AKAP9: variants seen among roughly 807,000 people sequenced by gnomAD.
AKAP9 encodes the protein A-kinase anchor protein 9.
AKAP9 carries 311 observed loss-of-function variants against 488.5 expected under a neutral mutation model. That is an observed-to-expected ratio of 0.64 (90% CI 0.58 to 0.70). AKAP9 has a LOEUF of 0.70. Among genes scored for constraint, AKAP9 ranks in the 30% least tolerant of loss-of-function variants. The pLI is 0.00. For synonymous variants in AKAP9, 1,462 were observed against 1,483.5 expected (o/e 0.99, Z 0.33); for missense variants, 4,215 against 4,374.5 (o/e 0.96, Z 1.03).
At chr7:91,961,211 G>A (rs934014950) in intron 1 of AKAP9, among the ~76,000 whole-genome samples, 20 of 151,824 alleles carry the variant, frequency 1.3e-4, no homozygotes, top group Admixed American at 2.6e-4. Flanking sequence ...CCAGGCTGGA[G>A]TGCAGTGGTG....
chr7:91,965,788 T>C (rs1234079615), intron 1 of AKAP9, among the ~76,000 whole-genome samples: 4 of 152,210 alleles, frequency 2.6e-5, no homozygotes, highest in South Asian at 2.1e-4. Context: ...ATTAGTAACA[T>C]TGAGCATTGT....
intron 2 of AKAP9, 116 bp downstream of exon 2, chr7:91,974,084 TTAG>T: frequency 7.9e-7 from 1 of 1,263,528 alleles, no homozygotes. Context: ...CTTGAAAGTT[TTAG>T]TAGTATGGTA....
intron 7 of AKAP9, among the ~76,000 whole-genome samples, chr7:91,997,891 C>T (rs1322817667): frequency 6.6e-6 from 1 of 151,982 alleles, no homozygotes; most frequent in African/African-American, 2.4e-5. Flanking sequence ...ATGAATCCCC[C>T]CAAGTAATAA....
At chr7:92,006,370 C>CA (rs578028879) in intron 8 of AKAP9, among the ~76,000 whole-genome samples, 201 of 152,110 alleles carry the variant, frequency 1.3e-3, no homozygotes, top group African/African-American at 4.5e-3. Context: ...AGGCTGGTCT[C>CA]AAACTTCTGG....
rs868546210 is a variant in AKAP9 at position 92,083,440 on chromosome 7, G to A, written c.8431G>A (p.Glu2811Lys). Residue 2811 changes from glutamate to lysine, a missense_variant, in exon 33 of 50, where the codon GAA (glutamate) becomes AAA (lysine). Around this residue, in one of 5 missense-constraint regions of AKAP9, gnomAD observed 1,476 missense variants for 1,477.4 expected, o/e 1.00. Transcript: ENST00000356239. The stretch of plus-strand genomic sequence containing the variant: ...AGGAATACAAATTAATTTACAGAGT[G>A]AATGTTCCTCAGAAGAAGTTACTGA... ...NAGIQINLQS[E>K]CSSEEVTEII... 4 of 1,613,998 alleles carry A rather than the reference G, an allele frequency of 2.5e-6. No homozygotes were observed. The highest frequency in any genetic ancestry group is 2.7e-5 in the African/African-American group (2 of 75,038).
chr7:92,071,414 C>G (rs1439986198), intron 28 of AKAP9, among the ~76,000 whole-genome samples: 6 of 149,922 alleles, frequency 4.0e-5, no homozygotes, highest in Non-Finnish European at 7.4e-5. Flanking sequence ...TTGTATTGCC[C>G]TGGGAGATTA....
At chr7:92,028,295 T>TAA (rs57352733) in intron 14 of AKAP9, among the ~76,000 whole-genome samples, 8 of 65,056 alleles carry the variant, frequency 1.2e-4, no homozygotes, top group South Asian at 8.3e-4. Flanking sequence ...CAATAAATAC[T>TAA]AAAAAAAAAA....
intron 24 of AKAP9, among the ~76,000 whole-genome samples, chr7:92,064,683 G>A (rs1810482679): frequency 6.6e-6 from 1 of 152,186 alleles, no homozygotes; most frequent in East Asian, 1.9e-4. Context: ...AAGCAACTCA[G>A]GAATATGGAT....
chr7:92,079,019 A>G (rs1813072473), intron 30 of AKAP9, 60 bp from the exon 31 acceptor site: 2 of 1,251,998 alleles, frequency 1.6e-6, no homozygotes. Context: ...AAATAAAGTA[A>G]AATTTTCAAA....
rs567684415 is a variant in AKAP9 at position 91,956,324 on chromosome 7, C to T, written c.48+15177C>T. ...CTGAGGCAGGAGAATGGCGTGGACC[C>T]GGGGGGCAGAACTTGCAATGGGCCG... On this transcript the variant is annotated intron_variant, in intron 1 of 49. Transcript: ENST00000356239. Among the ~76,000 whole-genome samples the T allele has an allele frequency of 6.7e-5, 10 of 148,564 alleles. No homozygotes were observed. In the South Asian group the frequency reaches 1.5e-3, roughly 22 times the overall value.
At position 92,079,411 on chromosome 7, in the gene AKAP9, AAC is replaced by A; in HGVS notation, c.7282_7283del (p.Gln2428GlyfsTer10). 1 of 1,614,108 alleles carries A rather than the reference AAC, an allele frequency of 6.2e-7. No individual in the cohort carries two copies. The highest frequency in any genetic ancestry group is 8.5e-7 in the Non-Finnish European group (1 of 1,179,990). On this transcript the variant is annotated frameshift_variant, in exon 31 of 50. Coordinates refer to ENST00000356239, the MANE Select transcript of AKAP9 (RefSeq NM_005751.5). LOFTEE classifies it high-confidence loss of function. The stretch of plus-strand genomic sequence containing the variant: ...AAACCAATTTTAAAATGAATCAGCT[AAC>A]ACAGGAATTATTCAGCTTAAAGAGA... ...KETNFKMNQL[T>X]QELFSLKRER...
At chr7:91,970,999 A>G (rs1447965242) in intron 1 of AKAP9, among the ~76,000 whole-genome samples, 1 of 152,194 alleles carries the variant, frequency 6.6e-6, no homozygotes, top group East Asian at 1.9e-4. Context: ...GTGACATGGT[A>G]CCAAAAAAAA....
Position 92,017,424 on chromosome 7 carries a change from AAC to A in AKAP9, c.3837+323_3837+324del, listed in dbSNP as rs1302136181. On this transcript the variant is annotated intron_variant, in intron 12 of 49. Transcript: ENST00000356239. ...GCAGTGGGCCTTCTGTTTTAGAGAA[AAC>A]TGGTAATGAGTTTAGTTGCTTAGCA... Among the ~76,000 whole-genome samples, 4 of 152,138 alleles carry A rather than the reference AAC, an allele frequency of 2.6e-5. No individual in the cohort carries two copies. The East Asian group carries it at 7.7e-4, about 29-fold the overall frequency.
chr7:92,103,849 CA>C (rs1818059288), intron 46 of AKAP9, among the ~76,000 whole-genome samples: 1 of 152,164 alleles, frequency 6.6e-6, no homozygotes, highest in South Asian at 2.1e-4. Context: ...TTTTGGTGCC[CA>C]GTTATGGAAG....
chr7:92,095,779 C>T (rs1035193653), intron 40 of AKAP9, among the ~76,000 whole-genome samples: 2 of 152,182 alleles, frequency 1.3e-5, no homozygotes, highest in Non-Finnish European at 2.9e-5. Flanking sequence ...GTGTTGCTGG[C>T]ATTTTTGCCC....
Position 92,040,768 on chromosome 7 carries a change from G to A in AKAP9, c.4787G>A (p.Arg1596Gln), listed in dbSNP as rs755498039. Reference protein sequence around the residue: ...QLEDMRQELVRQYQEHQQATE... With the variant: ...QLEDMRQELVQQYQEHQQATE... ...GAAGATATGAGACAGGAACTTGTACGACAATACCAAGAACATCAACAGGCA... is the reference window on the plus strand; with the variant it reads ...GAAGATATGAGACAGGAACTTGTACAACAATACCAAGAACATCAACAGGCA... The change falls in exon 18 of 50, where the codon CGA becomes CAA. Residue 1596 changes from arginine (R) to glutamine (Q), a missense_variant. Around this residue, in one of 5 missense-constraint regions of AKAP9, gnomAD observed 2,361 missense variants for 2,430.0 expected, o/e 0.97. Transcript: ENST00000356239. The A allele has an allele frequency of 2.2e-5, 36 of 1,613,240 alleles. No individual in the cohort carries two copies. Among genetic ancestry groups the A allele is most frequent in the Admixed American group, 5.0e-5 (3 of 59,900 alleles).
intron 49 of AKAP9, among the ~76,000 whole-genome samples, chr7:92,109,345 G>A (rs1020960179): frequency 6.6e-6 from 1 of 152,150 alleles, no homozygotes; most frequent in Non-Finnish European, 1.5e-5. Flanking sequence ...GAATCATTGA[G>A]TAGTTTATCT....
intron 46 of AKAP9, among the ~76,000 whole-genome samples, chr7:92,103,875 G>T (rs1289796950): frequency 1.3e-5 from 2 of 152,136 alleles, no homozygotes; most frequent in East Asian, 3.9e-4. Flanking sequence ...TTTCCTAACT[G>T]CATTCAAATC....
rs1358573914 is a variant in AKAP9 at position 91,981,836 on chromosome 7, C to T, written c.351+1503C>T. ...GGCCAGGCTGGTCTTGAACTCCTGA[C>T]CTCATGATCTACCCACCTCTGCCTC... On this transcript the variant is annotated intron_variant, in intron 3 of 49. Coordinates refer to ENST00000356239, the MANE Select transcript of AKAP9 (RefSeq NM_005751.5). Among the ~76,000 whole-genome samples, 3 of 152,018 alleles carry T rather than the reference C, an allele frequency of 2.0e-5. No homozygotes were observed. In the East Asian group the frequency reaches 5.8e-4, roughly 29 times the overall value.
Sources: gnomAD v4.1 joint callset for allele counts (sites outside exome capture counted in the v4.1 genomes callset) on GRCh38, gnomAD v4.1.1 for gene constraint, gnomAD v4.1.1 regional missense constraint, MANE v1.5 for transcripts, NCBI Gene and HGNC (gene_info 2026-07-23, HGNC 2026-07-21) for gene names.